The following CTTNBP2 variants were observed in gnomAD, a reference collection of about 807,000 sequenced individuals.
CTTNBP2 encodes the protein cortactin-binding protein 2.
A neutral mutation model predicts 156.9 loss-of-function variants in CTTNBP2; 108 were observed. That is an observed-to-expected ratio of 0.69 (90% CI 0.59 to 0.81). The LOEUF (loss-of-function observed/expected upper bound fraction) is 0.81, where lower values mean the gene tolerates loss of function less well. Among genes scored for constraint, CTTNBP2 ranks in the 30% least tolerant of loss-of-function variants. The pLI is 0.00. For synonymous variants in CTTNBP2, 767 were observed against 751.8 expected (o/e 1.02, Z -0.33); for missense variants, 1,924 against 2,035.4 (o/e 0.95, Z 1.05).
intron 2 of CTTNBP2, among the ~76,000 whole-genome samples, chr7:117,836,509 G>A (rs1001477243): frequency 2.6e-5 from 4 of 152,210 alleles, no homozygotes; most frequent in African/African-American, 7.2e-5. Context: ...CTGGCAGTGA[G>A]CTGAGATCGC....
Position 117,728,276 on chromosome 7 carries a change from ACAGGGAGGTGGAACC to A in CTTNBP2, c.3877-24_3877-10del. ...GGCGCCTGACCTTTGAACTAGAGAG[ACAGGGAGGTGGAACC>A]CAGGGGCTTGGTTTAGAACATTTTG... is the stretch of plus-strand genomic sequence containing the variant. On this transcript the variant is annotated splice_polypyrimidine_tract_variant and intron_variant, in intron 16 of 22. Coordinates refer to ENST00000160373, the MANE Select transcript of CTTNBP2 (RefSeq NM_033427.3). 1 of 1,595,664 alleles carries A rather than the reference ACAGGGAGGTGGAACC, an allele frequency of 6.3e-7. No homozygotes were observed.
rs780141444 is a variant in CTTNBP2 at position 117,760,533 on chromosome 7, GA to G, written c.3073del (p.Ser1025LeufsTer11). On this transcript the variant is annotated frameshift_variant, in exon 10 of 23. Coordinates refer to ENST00000160373, the MANE Select transcript of CTTNBP2 (RefSeq NM_033427.3). LOFTEE classifies it high-confidence loss of function. ...QALTNHFQAI[S>X]SDGWWSLEDV... ...TTCCAGACTCCACCATCCATCAGAA[GA>G]GATTGCCTGGAAATGATTTGTCAGA... is the stretch of plus-strand genomic sequence containing the variant. 6.2e-7 allele frequency: 1 copy of G among 1,614,136 alleles called. No individual in the cohort carries two copies. Among genetic ancestry groups the G allele is most frequent in the Admixed American group, 1.7e-5 (1 of 60,030 alleles).
At chr7:117,860,859 C>T (rs1208016272) in intron 2 of CTTNBP2, among the ~76,000 whole-genome samples, 6 of 152,128 alleles carry the variant, frequency 3.9e-5, no homozygotes, top group African/African-American at 1.4e-4. Flanking sequence ...TTCCTCACTG[C>T]CCTCACATAC....
intron 2 of CTTNBP2, among the ~76,000 whole-genome samples, chr7:117,842,699 C>A (rs865983135): frequency 1.4e-4 from 21 of 151,912 alleles, no homozygotes; most frequent in South Asian, 1.0e-3. Flanking sequence ...CACCTAAAAT[C>A]AAAAAATGGG....
intron 8 of CTTNBP2, among the ~76,000 whole-genome samples, chr7:117,772,641 A>G (rs900258165): frequency 2.3e-4 from 35 of 152,318 alleles, no homozygotes; most frequent in African/African-American, 7.9e-4. Flanking sequence ...AGAAAACTGG[A>G]AAGTTTGTTC....
intron 14 of CTTNBP2, among the ~76,000 whole-genome samples, chr7:117,737,744 T>A (rs911161730): frequency 5.3e-5 from 8 of 151,600 alleles, no homozygotes; most frequent in Admixed American, 6.6e-5. Flanking sequence ...AAATACAAAA[T>A]TTTTTTTTGT....
At chr7:117,829,979 C>A (rs1281877789) in intron 2 of CTTNBP2, among the ~76,000 whole-genome samples, 2 of 152,168 alleles carry the variant, frequency 1.3e-5, no homozygotes, top group African/African-American at 2.4e-5. Flanking sequence ...AGAAAGATAA[C>A]ATGTACTTGA....
intron 10 of CTTNBP2, 100 bp downstream of exon 10, chr7:117,760,335 G>T: frequency 8.4e-7 from 1 of 1,192,404 alleles, no homozygotes; most frequent in Non-Finnish European, 1.2e-6. Flanking sequence ...AGTAAGCTTT[G>T]AATGTGCTTA....
chr7:117,724,416 A>G (rs1299576622), intron 19 of CTTNBP2, 131 bp downstream of exon 19: 1 of 737,456 alleles, frequency 1.4e-6, no homozygotes, highest in Non-Finnish European at 2.2e-6. Flanking sequence ...TTCCATGAAA[A>G]TGTGCATTAA....
chr7:117,792,248 A>G lies in CTTNBP2; in HGVS notation c.948T>C (p.Ala316=), dbSNP rs1285680520. 2.5e-6 allele frequency: 4 copies of G among 1,614,206 alleles called. No individual in the cohort carries two copies. The highest frequency in any genetic ancestry group is 3.4e-6 in the Non-Finnish European group (4 of 1,180,046). The change falls in exon 4 of 23, where the codon GCT becomes GCC. Residue 316 remains alanine, a synonymous_variant. Coordinates refer to ENST00000160373, the MANE Select transcript of CTTNBP2 (RefSeq NM_033427.3). The surrounding 1 kb of genome is among the most constrained non-coding windows in gnomAD (Gnocchi z 4.2). ...TTAAAGGCAACTTTTTCATGTGGTC[A>G]GCATTTTCTGTCACTAGGTCTGTCT... is the stretch of plus-strand genomic sequence containing the variant. ...ACQTDLVTEN[A]DHMKKLPLTM...
chr7:117,733,704 T>A (rs963511642), intron 16 of CTTNBP2, among the ~76,000 whole-genome samples: 1 of 152,142 alleles, frequency 6.6e-6, no homozygotes, highest in Admixed American at 6.5e-5. Context: ...GAATTTCAGA[T>A]ATTAATTCTA....
At chr7:117,814,818 A>G (rs967688661) in intron 2 of CTTNBP2, among the ~76,000 whole-genome samples, 1 of 152,208 alleles carries the variant, frequency 6.6e-6, no homozygotes, top group Non-Finnish European at 1.5e-5. Flanking sequence ...TTTAAGGGTA[A>G]AAACAGTGGC....
intron 1 of CTTNBP2, among the ~76,000 whole-genome samples, chr7:117,865,241 C>A (rs184135883): frequency 6.6e-6 from 1 of 151,288 alleles, no homozygotes; most frequent in Non-Finnish European, 1.5e-5. Flanking sequence ...ATCCCCAACG[C>A]CCCCCAGAAA....
At chr7:117,849,016 A>T (rs1454728350) in intron 2 of CTTNBP2, among the ~76,000 whole-genome samples, 1 of 152,220 alleles carries the variant, frequency 6.6e-6, no homozygotes, top group African/African-American at 2.4e-5. Context: ...CTTCTTTAAG[A>T]AAGTTTCCAG....
At chr7:117,789,369 T>A (rs79399311) in intron 4 of CTTNBP2, among the ~76,000 whole-genome samples, 1 of 152,304 alleles carries the variant, frequency 6.6e-6, no homozygotes, top group African/African-American at 2.4e-5. Context: ...AGGAAGTGTT[T>A]TCTACTTTAC....
chr7:117,773,916 T>C (rs1797953294), intron 8 of CTTNBP2, among the ~76,000 whole-genome samples: 2 of 151,694 alleles, frequency 1.3e-5, no homozygotes, highest in African/African-American at 2.4e-5. Context: ...AACCATAACC[T>C]CCTCCTGTAG....
chr7:117,746,021 A>T lies in CTTNBP2; in HGVS notation c.3427T>A (p.Cys1143Ser), dbSNP rs536638850. 6.2e-7 allele frequency: 1 copy of T among 1,613,954 alleles called. No homozygotes were observed. Among genetic ancestry groups the T allele is most frequent in the East Asian group, 2.2e-5 (1 of 44,874 alleles). ...QDYIVHQLAL[C>S]LKHRQMAAGF... ...ATACAAGTAATCAATACCTTCAGGCAGAGTGCAAGCTGATGTACTATGTAG... is the reference window on the plus strand; with the variant it reads ...ATACAAGTAATCAATACCTTCAGGCTGAGTGCAAGCTGATGTACTATGTAG... The change falls in exon 13 of 23, where the codon TGC becomes AGC. Residue 1143 changes from cysteine to serine, a missense_variant. By Grantham distance (112) the Cys-to-Ser change is moderately radical (BLOSUM62 -1). Transcript: ENST00000160373.
At chr7:117,795,320 C>T (rs192675984) in intron 3 of CTTNBP2, among the ~76,000 whole-genome samples, 3 of 152,168 alleles carry the variant, frequency 2.0e-5, no homozygotes, top group Non-Finnish European at 1.5e-5. Context: ...AAGGCATATG[C>T]AAAGTTAGAA....
At chr7:117,785,879 T>C (rs1394864932) in intron 4 of CTTNBP2, among the ~76,000 whole-genome samples, 1 of 152,190 alleles carries the variant, frequency 6.6e-6, no homozygotes, top group Non-Finnish European at 1.5e-5. Context: ...ATGTCCTTTC[T>C]TAGCAGTGGA....
Sources: allele counts gnomAD v4.1 joint callset (sites outside exome capture counted in the v4.1 genomes callset), GRCh38; gene constraint gnomAD v4.1.1; non-coding constraint Gnocchi (gnomAD v3.1); transcripts MANE v1.5; gene names NCBI Gene and HGNC (gene_info 2026-07-23, HGNC 2026-07-21).